The following SMAD2 variants were observed in gnomAD, a reference collection of about 807,000 sequenced individuals.
The protein encoded by SMAD2 is MAD homolog 2.
Under a neutral mutation model 64.4 loss-of-function variants are expected in SMAD2, and 8 were observed. That is an observed-to-expected ratio of 0.12 (90% CI 0.07 to 0.22). SMAD2 has a LOEUF of 0.22. Among genes scored for constraint, SMAD2 ranks in the 10% least tolerant of loss-of-function variants. The probability of loss-of-function intolerance (pLI) is 1.00; values close to 1 mark genes in which losing one functional copy is unlikely to be tolerated. For synonymous variants in SMAD2, 203 were observed against 195.8 expected (o/e 1.04, Z -0.31); for missense variants, 289 against 561.2 (o/e 0.51, Z 4.90).
chr18:47,895,647 T>C (rs192179468), intron 2 of SMAD2: 2 of 152,212 alleles, frequency 1.3e-5, no homozygotes, highest in African/African-American at 4.8e-5. Flanking sequence ...GGGAAAGAAA[T>C]GGATGGTCTA....
chr18:47,868,647 C>A (rs1222076553), intron 4 of SMAD2, among the ~76,000 whole-genome samples, 190 bp from the exon 5 acceptor site: 4 of 151,984 alleles, frequency 2.6e-5, no homozygotes, highest in Admixed American at 2.0e-4. Flanking sequence ...AGTCTATTAT[C>A]CAAATTTCCA....
chr18:47,850,741 A>G (rs1329532597), intron 7 of SMAD2, among the ~76,000 whole-genome samples: 5 of 26,562 alleles, frequency 1.9e-4, no homozygotes, highest in Non-Finnish European at 1.8e-4. Flanking sequence ...TGTATAATAT[A>G]TATTATATAT....
chr18:47,881,486 A>G (rs923098032), intron 2 of SMAD2, among the ~76,000 whole-genome samples: 5 of 152,212 alleles, frequency 3.3e-5, no homozygotes, highest in African/African-American at 1.2e-4. Context: ...TTTAGTGGCT[A>G]TATTTATAGA....
rs546595155 is a variant in SMAD2 at position 47,845,954 on chromosome 18, C to T, written c.998-154G>A. ...TTTCTGAAGTCTAACTTTAAATATACTACTGTATATTTCTCCCAAGTATTT... is the reference window on the plus strand; with the variant it reads ...TTTCTGAAGTCTAACTTTAAATATATTACTGTATATTTCTCCCAAGTATTT... On this transcript the variant is annotated intron_variant, in intron 8 of 10. Coordinates refer to ENST00000262160, the MANE Select transcript of SMAD2 (RefSeq NM_005901.6). 1.2e-4 allele frequency among the ~76,000 whole-genome samples: 18 copies of T among 152,160 alleles called. 1 individual carries two copies. In the South Asian group the frequency reaches 3.3e-3, roughly 28 times the overall value.
At chr18:47,864,480 A>G (rs1298070635) in intron 6 of SMAD2, among the ~76,000 whole-genome samples, 2 of 152,196 alleles carry the variant, frequency 1.3e-5, no homozygotes, top group Non-Finnish European at 2.9e-5. Context: ...GGACAATTAC[A>G]ATGACATCAA....
At position 47,825,840 on chromosome 18, in the gene SMAD2, C is replaced by T. The variant is rs896723785; in HGVS notation, c.*15987G>A. On this transcript the variant is annotated 3_prime_UTR_variant, in exon 11 of 11. Transcript: ENST00000262160. ...ATCAGTCAACCAAATTACTGCTAAA[C>T]CAGTATTGGGAAGCTTCCTAAAGCA... 2 of 152,284 alleles carry T rather than the reference C, an allele frequency of 1.3e-5. No individual in the cohort carries two copies. The highest frequency in any genetic ancestry group is 3.9e-4 in the East Asian group (2 of 5,182). The allele number at this position is 152,284 out of a possible 1,614,324, so 9.4% of individuals were successfully genotyped here.
Position 47,810,902 on chromosome 18 carries a change from C to T in SMAD2, c.*30925G>A, listed in dbSNP as rs915621933. ...CTTCCTTAGACTGTGGGATGCAAAT[C>T]GTGGTTTTCTTATGCCAAAACAACT... is the stretch of plus-strand genomic sequence containing the variant. On this transcript the variant is annotated 3_prime_UTR_variant, in exon 11 of 11. Transcript: ENST00000262160. 6.6e-6 allele frequency: 1 copy of T among 152,232 alleles called. No homozygotes were observed. Among genetic ancestry groups the T allele is most frequent in the Non-Finnish European group, 1.5e-5 (1 of 68,056 alleles). The allele number at this position is 152,232 out of a possible 1,614,324, so 9.4% of individuals were successfully genotyped here.
At position 47,820,124 on chromosome 18, in the gene SMAD2, A is replaced by G. The variant is rs1912518964; in HGVS notation, c.*21703T>C. Reference sequence around the variant, plus strand: ...AAATGTCTGGATCATTTCCAAAAAAAAACAATAAACTGCTGAAAATATTAG... The same window carrying G: ...AAATGTCTGGATCATTTCCAAAAAAGAACAATAAACTGCTGAAAATATTAG... On this transcript the variant is annotated 3_prime_UTR_variant, in exon 11 of 11. Coordinates refer to ENST00000262160, the MANE Select transcript of SMAD2 (RefSeq NM_005901.6). 1.3e-5 allele frequency: 2 copies of G among 152,358 alleles called. No homozygotes were observed. The highest frequency in any genetic ancestry group is 4.1e-4 in the South Asian group (2 of 4,830). The allele number at this position is 152,358 out of a possible 1,614,324, so 9.4% of individuals were successfully genotyped here. A position where few individuals can be genotyped will look rare whatever the true frequency, so the allele number is the denominator to read the frequency against.
intron 8 of SMAD2, among the ~76,000 whole-genome samples, chr18:47,848,187 A>C (rs913027008): frequency 1.3e-5 from 2 of 152,192 alleles, no homozygotes; most frequent in Non-Finnish European, 2.9e-5. Flanking sequence ...GAACATGGCA[A>C]TTTTATGACT....
chr18:47,920,994 A>C (rs962942690), intron 1 of SMAD2, among the ~76,000 whole-genome samples: 4 of 152,142 alleles, frequency 2.6e-5, no homozygotes, highest in African/African-American at 9.7e-5. Context: ...ACCTCTACAA[A>C]AAATTTTAAA....
chr18:47,860,584 T>C (rs556792592), intron 6 of SMAD2, among the ~76,000 whole-genome samples: 1 of 152,148 alleles, frequency 6.6e-6, no homozygotes, highest in Non-Finnish European at 1.5e-5. Flanking sequence ...TGCCCAGCCC[T>C]ATCAAAAATT....
chr18:47,884,407 G>C (rs2032775097), intron 2 of SMAD2, among the ~76,000 whole-genome samples: 1 of 152,148 alleles, frequency 6.6e-6, no homozygotes, highest in South Asian at 2.1e-4. Context: ...CCTACAGCCA[G>C]CAAGTGGAAG....
chr18:47,896,446 G>C, intron 2 of SMAD2, 75 bp downstream of exon 2: 3 of 1,488,210 alleles, frequency 2.0e-6, no homozygotes, highest in Non-Finnish European at 2.8e-6. Context: ...CAACTTGAAA[G>C]GAACACAAAT....
intron 7 of SMAD2, among the ~76,000 whole-genome samples, chr18:47,850,504 TTATA>T (rs1334141535): frequency 8.7e-5 from 1 of 11,442 alleles, no homozygotes; most frequent in Non-Finnish European, 1.4e-4. Context: ...ATAATATATG[TTATA>T]TATATAATAT....
At position 47,896,752 on chromosome 18, in the gene SMAD2, G is replaced by A. The variant is rs2033454515; in HGVS notation, c.5C>T (p.Ser2Leu). Residue 2 changes from serine to leucine, a missense_variant, in exon 2 of 11, where the codon TCG becomes TTG. Around this residue, in one of 6 missense-constraint regions of SMAD2, gnomAD observed 89 missense variants for 137.1 expected, o/e 0.65. Coordinates refer to ENST00000262160, the MANE Select transcript of SMAD2 (RefSeq NM_005901.6). MSSILPFTPPVV... is the reference protein window; with the variant it reads MLSILPFTPPVV... ...TGGCGGCGTGAATGGCAAGATGGAC[G>A]ACATGTTCTTACCAAAGGCAGCAAG... 1 of 1,613,596 alleles carries A rather than the reference G, an allele frequency of 6.2e-7. No individual in the cohort carries two copies. Among genetic ancestry groups the A allele is most frequent in the Non-Finnish European group, 8.5e-7 (1 of 1,179,886 alleles).
intron 6 of SMAD2, among the ~76,000 whole-genome samples, chr18:47,854,937 G>A (rs574940903): frequency 1.1e-4 from 17 of 152,190 alleles, no homozygotes; most frequent in African/African-American, 3.6e-4. Context: ...GTATAATGAC[G>A]TGTATCCATT....
intron 1 of SMAD2, among the ~76,000 whole-genome samples, chr18:47,919,283 G>T (rs985153769): frequency 2.6e-5 from 4 of 151,414 alleles, no homozygotes; most frequent in African/African-American, 9.7e-5. Flanking sequence ...AGTATTTACC[G>T]CCCCACCCCC....
chr18:47,902,667 C>T (rs190892142), intron 1 of SMAD2, among the ~76,000 whole-genome samples: 4 of 152,234 alleles, frequency 2.6e-5, no homozygotes, highest in Admixed American at 6.5e-5. Context: ...CTGATTAGGA[C>T]GTAGAAAGTT....
chr18:47,848,346 G>A (rs1568037531), intron 8 of SMAD2, 129 bp downstream of exon 8: 1 of 723,370 alleles, frequency 1.4e-6, no homozygotes, highest in Non-Finnish European at 2.5e-6. Flanking sequence ...ACTTAAATGT[G>A]TCGGCACTTA....
Sources: gnomAD v4.1 joint callset for allele counts (sites outside exome capture counted in the v4.1 genomes callset) on GRCh38, gnomAD v4.1.1 for gene constraint, gnomAD v4.1.1 regional missense constraint, MANE v1.5 for transcripts, NCBI Gene and HGNC (gene_info 2026-07-23, HGNC 2026-07-21) for gene names.